Variants in GRM3 observed in about 807,000 individuals in gnomAD.
The protein encoded by GRM3 is glutamate metabotropic receptor 3, also known as metabotropic glutamate receptor 3.
Under a neutral mutation model 70.5 loss-of-function variants are expected in GRM3, and 26 were observed. The ratio of observed to expected loss-of-function variants is 0.37; its 90% confidence interval spans 0.27 to 0.51. GRM3 has a LOEUF of 0.51. GRM3 is among the 20% of genes least tolerant of loss of function. GRM3 has a pLI of 0.93. For missense variants in GRM3, 859 were observed against 1,123.8 expected (o/e 0.76, Z 3.37); for synonymous variants, 443 against 434.9 (o/e 1.02, Z -0.23).
rs1387878461 is a variant in GRM3, at chr7:86,860,865, T to C, written c.2567-3417T>C. ...GACTCTAAGAGTGCACTCCAAAGCA[T>C]AGCATTACATCAAGTTCCATAAGAG... On this transcript the variant is annotated intron_variant, in intron 5 of 5. Coordinates refer to ENST00000361669, the MANE Select transcript of GRM3 (RefSeq NM_000840.3). 3.3e-5 allele frequency among the ~76,000 whole-genome samples: 5 copies of C among 152,250 alleles called. No homozygotes were observed. The East Asian group carries it at 5.8e-4, about 18-fold the overall frequency.
At chr7:86,762,324 C>T (rs550815433) in intron 1 of GRM3, among the ~76,000 whole-genome samples, 1 of 152,238 alleles carries the variant, frequency 6.6e-6, no homozygotes. Flanking sequence ...GCCATCAGTG[C>T]TGAGATTCAC....
intron 1 of GRM3, among the ~76,000 whole-genome samples, chr7:86,681,321 C>G (rs777075077): frequency 6.6e-6 from 1 of 152,070 alleles, no homozygotes; most frequent in Admixed American, 6.6e-5. Flanking sequence ...TCCATACTGG[C>G]CAAGGGGATT....
chr7:86,650,906 C>A (rs1274857238), intron 1 of GRM3, among the ~76,000 whole-genome samples: 1 of 152,184 alleles, frequency 6.6e-6, no homozygotes, highest in African/African-American at 2.4e-5. Flanking sequence ...TTTCAAATTT[C>A]TTTACCCTGC....
intron 5 of GRM3, among the ~76,000 whole-genome samples, chr7:86,854,690 G>T (rs187764212): frequency 6.6e-6 from 1 of 152,116 alleles, no homozygotes; most frequent in Non-Finnish European, 1.5e-5. Flanking sequence ...CAGAAATCTG[G>T]TTTGTAACAG....
At chr7:86,665,800 A>G (rs1268861485) in intron 1 of GRM3, among the ~76,000 whole-genome samples, 2 of 152,040 alleles carry the variant, frequency 1.3e-5, no homozygotes, top group Non-Finnish European at 2.9e-5. Context: ...TTTATGCTGA[A>G]CTGTTGTAGC....
At chr7:86,664,845 CT>C (rs1460351629) in intron 1 of GRM3, among the ~76,000 whole-genome samples, 1 of 151,976 alleles carries the variant, frequency 6.6e-6, no homozygotes, top group Non-Finnish European at 1.5e-5. Context: ...TAATTTCACT[CT>C]TAATTAAACC....
At chr7:86,757,973 T>C (rs564279215) in intron 1 of GRM3, among the ~76,000 whole-genome samples, 1 of 152,280 alleles carries the variant, frequency 6.6e-6, no homozygotes, top group Non-Finnish European at 1.5e-5. Context: ...GTGTGACATA[T>C]GTTCTGTTTT....
Position 86,864,403 on chromosome 7 carries a change from GT to G in GRM3, c.*49del. The G allele has an allele frequency of 7.9e-7, 1 of 1,270,656 alleles. No homozygotes were observed. Among genetic ancestry groups the G allele is most frequent in the Non-Finnish European group, 1.2e-6 (1 of 866,130 alleles). 78.7% of individuals were successfully genotyped at this position (1,270,656 alleles called of 1,614,324 possible). A position where few individuals can be genotyped will look rare whatever the true frequency, so the allele number is the denominator to read the frequency against. ...TGTGTTTTTAGACTGTTAGACAAAA[GT>G]GCTCACGTGCAGCTCCAGAATATGG... On this transcript the variant is annotated 3_prime_UTR_variant, in exon 6 of 6. Transcript: ENST00000361669.
intron 3 of GRM3, among the ~76,000 whole-genome samples, chr7:86,795,053 A>G (rs1215079304): frequency 6.6e-6 from 1 of 151,906 alleles, no homozygotes; most frequent in African/African-American, 2.4e-5. Flanking sequence ...TTGTCCATTC[A>G]TTCTCCCTAG....
Position 86,850,529 on chromosome 7 carries a change from AC to A in GRM3, c.2553del (p.Thr852HisfsTer66). ...CAGGTTCAGTGTCAGTGGAACTGGG[AC>A]CACATACTCTCAGTGTAAGTATGGA... is the stretch of plus-strand genomic sequence containing the variant. The part of the protein sequence containing the change: ...LNRFSVSGTG[T>X]TYSQSSASTY... On this transcript the variant is annotated frameshift_variant, in exon 5 of 6. Transcript: ENST00000361669. LOFTEE classifies it high-confidence loss of function. The A allele has an allele frequency of 6.2e-7, 1 of 1,606,228 alleles. No homozygotes were observed. The highest frequency in any genetic ancestry group is 8.5e-7 in the Non-Finnish European group (1 of 1,173,064).
At position 86,765,010 on chromosome 7, in the gene GRM3, T is replaced by G; in HGVS notation, c.-136T>G. The G allele has an allele frequency of 6.8e-7, 1 of 1,470,698 alleles. No homozygotes were observed. Among genetic ancestry groups the G allele is most frequent in the Non-Finnish European group, 8.9e-7 (1 of 1,119,018 alleles). 91.1% of individuals were successfully genotyped at this position (1,470,698 alleles called of 1,614,324 possible). A position where few individuals can be genotyped will look rare whatever the true frequency, so the allele number is the denominator to read the frequency against. On this transcript the variant is annotated 5_prime_UTR_variant, in exon 2 of 6. It adds an upstream start codon to the 5' untranslated region. Transcript: ENST00000361669. ...ATATAATTTTTATCTCTTTAGGAAT[T>G]TTGTGACAGGCTCTGTTAGTCTGTT...
chr7:86,655,981 T>A (rs151098410), intron 1 of GRM3, among the ~76,000 whole-genome samples: 266 of 152,284 alleles, frequency 1.7e-3, no homozygotes, highest in Non-Finnish European at 3.0e-3. Flanking sequence ...TTTCAGCAGC[T>A]CACTGCAACA....
At chr7:86,675,298 C>T (rs1794278184) in intron 1 of GRM3, among the ~76,000 whole-genome samples, 2 of 152,156 alleles carry the variant, frequency 1.3e-5, no homozygotes, top group Admixed American at 6.6e-5. Flanking sequence ...CCCAGGACAT[C>T]CCCCATAGGA....
rs1186066591 is a variant in GRM3, at chr7:86,748,012, ACTT to A, written c.-140-16987_-140-16985del. 5.3e-5 allele frequency among the ~76,000 whole-genome samples: 8 copies of A among 152,104 alleles called. No individual in the cohort carries two copies. In the South Asian group the frequency reaches 1.2e-3, roughly 24 times the overall value. On this transcript the variant is annotated intron_variant, in intron 1 of 5. Coordinates refer to ENST00000361669, the MANE Select transcript of GRM3 (RefSeq NM_000840.3). Reference sequence around the variant, plus strand: ...TGTTCCTCCTGTCTCCCTGTGGTTAACTTCTTCTTTTTTTAAAAGCTTAGTAGA... The same window carrying A: ...TGTTCCTCCTGTCTCCCTGTGGTTAACTTCTTTTTTTAAAAGCTTAGTAGA...
chr7:86,645,972 C>T (rs1490097593), intron 1 of GRM3, among the ~76,000 whole-genome samples: 3 of 58,466 alleles, frequency 5.1e-5, no homozygotes, highest in African/African-American at 2.1e-4. Flanking sequence ...CAGTATGTTT[C>T]TTTGTGGTGG....
intron 1 of GRM3, among the ~76,000 whole-genome samples, chr7:86,668,933 G>T (rs966863069): frequency 6.6e-6 from 1 of 152,092 alleles, no homozygotes; most frequent in East Asian, 1.9e-4. Context: ...TCCTGCTAGG[G>T]TTTGCTTTCT....
intron 2 of GRM3, among the ~76,000 whole-genome samples, chr7:86,780,457 C>T (rs17160982): frequency 0.018 from 2,808 of 152,280 alleles, 93 homozygotes; most frequent in African/African-American, 0.063. Flanking sequence ...TGATAACCTG[C>T]AATGAAAACA....
At chr7:86,861,573 A>G (rs1184684360) in intron 5 of GRM3, among the ~76,000 whole-genome samples, 1 of 152,216 alleles carries the variant, frequency 6.6e-6, no homozygotes. Context: ...GATGTGGATG[A>G]CAAGGAGGAG....
In GRM3 at chr7:86,768,933, G is replaced by A. The variant is rs551739567; in HGVS notation, c.468+3320G>A. On this transcript the variant is annotated intron_variant, in intron 2 of 5. Transcript: ENST00000361669. ...TCACAAATAATAAGAGTTGTTAGGT[G>A]GCTGTTATGTAGCTAAGAATTAAAG... Among the ~76,000 whole-genome samples the A allele has an allele frequency of 3.3e-5, 5 of 152,170 alleles. No individual in the cohort carries two copies. The South Asian group carries it at 1.0e-3, about 32-fold the overall frequency.
Sources: gnomAD v4.1 joint callset for allele counts (sites outside exome capture counted in the v4.1 genomes callset) on GRCh38, gnomAD v4.1.1 for gene constraint, MANE v1.5 for transcripts, NCBI Gene and HGNC (gene_info 2026-07-23, HGNC 2026-07-21) for gene names.